Variants in CYYR1 observed in about 807,000 individuals in gnomAD.
The protein encoded by CYYR1 is cysteine and tyrosine-rich protein 1.
CYYR1 carries 14 observed loss-of-function variants against 15.2 expected under a neutral mutation model. The ratio of observed to expected loss-of-function variants is 0.92; its 90% CI spans 0.61 to 1.44. CYYR1 has a LOEUF of 1.44. CYYR1 is among the 40% of genes most tolerant of loss of function. CYYR1 has a pLI of 0.00. For synonymous variants in CYYR1, 80 were observed against 77.4 expected, an observed-to-expected ratio of 1.03 and a Z score of -0.18; for missense variants, 228 against 209.5, an observed-to-expected ratio of 1.09 and a Z score of -0.54.
At chr21:26,549,856 C>T (rs185914874) in intron 2 of CYYR1, among the ~76,000 whole-genome samples, 104 of 152,240 alleles carry the variant, frequency 6.8e-4, no homozygotes, top group African/African-American at 2.3e-3. Context: ...CAAATAACTT[C>T]ATTTTACCCT....
intron 3 of CYYR1, among the ~76,000 whole-genome samples, chr21:26,473,495 G>A (rs992643724): frequency 6.6e-6 from 1 of 152,238 alleles, no homozygotes; most frequent in East Asian, 1.9e-4. Flanking sequence ...AGAAAGACAG[G>A]TTTCCTTATT....
At chr21:26,477,035 C>T (rs2065114073) in intron 3 of CYYR1, among the ~76,000 whole-genome samples, 1 of 152,118 alleles carries the variant, frequency 6.6e-6, no homozygotes, top group Non-Finnish European at 1.5e-5. Context: ...TCAGGTATGA[C>T]AGCTGAATGA....
intron 1 of CYYR1, 97 bp from the exon 2 acceptor site, chr21:26,566,465 C>T: frequency 1.1e-6 from 1 of 877,354 alleles, no homozygotes; most frequent in Admixed American, 2.3e-5. Flanking sequence ...CAATGACCAC[C>T]CTTTAGTGGT....
chr21:26,478,596 T>TG (rs1224647156), intron 3 of CYYR1, among the ~76,000 whole-genome samples: 1 of 152,076 alleles, frequency 6.6e-6, no homozygotes, highest in Admixed American at 6.6e-5. Context: ...CTGCGGGAAA[T>TG]GGGGAACCGC....
chr21:26,512,864 T>C (rs1216916280), intron 2 of CYYR1, among the ~76,000 whole-genome samples: 1 of 152,090 alleles, frequency 6.6e-6, no homozygotes, highest in Non-Finnish European at 1.5e-5. Context: ...ACCCCTGGAG[T>C]TGGCTGTGCA....
intron 1 of CYYR1, among the ~76,000 whole-genome samples, chr21:26,569,484 G>C (rs557099734): frequency 3.9e-5 from 6 of 152,194 alleles, no homozygotes; most frequent in Non-Finnish European, 7.4e-5. Flanking sequence ...TAACTATTGG[G>C]TACTGTATTC....
chr21:26,555,648 G>A (rs1428669855), intron 2 of CYYR1, among the ~76,000 whole-genome samples: 1 of 151,788 alleles, frequency 6.6e-6, no homozygotes, highest in African/African-American at 2.4e-5. Flanking sequence ...AGTTACCATC[G>A]GCTAAATAGC....
intron 1 of CYYR1, among the ~76,000 whole-genome samples, chr21:26,567,132 A>G (rs749858435): frequency 1.8e-4 from 27 of 151,370 alleles, no homozygotes; most frequent in Non-Finnish European, 3.8e-4. Flanking sequence ...AATGATGTAT[A>G]TTTTTCCATG....
chr21:26,549,404 T>A (rs1979218640), intron 2 of CYYR1, among the ~76,000 whole-genome samples: 1 of 152,178 alleles, frequency 6.6e-6, no homozygotes, highest in Non-Finnish European at 1.5e-5. Flanking sequence ...ATTTTAATAT[T>A]GTACTCTTTT....
chr21:26,550,642 C>T (rs140879114), intron 2 of CYYR1: 4 of 152,290 alleles, frequency 2.6e-5, no homozygotes, highest in African/African-American at 7.2e-5. Context: ...TGCCCTTAAG[C>T]CAAAGCCTAA....
chr21:26,501,777 T>A (rs915848936), intron 2 of CYYR1, among the ~76,000 whole-genome samples: 3 of 152,206 alleles, frequency 2.0e-5, no homozygotes, highest in African/African-American at 7.2e-5. Context: ...TACCCACTTA[T>A]CTACCTCTCT....
At chr21:26,551,345 C>G (rs1484875034) in intron 2 of CYYR1, 1 of 152,660 alleles carries the variant, frequency 6.6e-6, no homozygotes, top group Non-Finnish European at 1.5e-5. Flanking sequence ...GTAATTTTGA[C>G]TTTCAAGTCT....
intron 2 of CYYR1, among the ~76,000 whole-genome samples, chr21:26,559,170 G>A (rs1387995170): frequency 1.3e-5 from 2 of 152,060 alleles, no homozygotes; most frequent in East Asian, 1.9e-4. Flanking sequence ...GGTATGAGAC[G>A]GTATTTCAAT....
intron 3 of CYYR1, among the ~76,000 whole-genome samples, chr21:26,480,049 A>G (rs754200623): frequency 8.5e-5 from 13 of 152,142 alleles, no homozygotes; most frequent in Non-Finnish European, 1.8e-4. Flanking sequence ...AGTCAATGAA[A>G]CAGACATTAA....
At chr21:26,547,085 T>C (rs1368459687) in intron 2 of CYYR1, among the ~76,000 whole-genome samples, 1 of 152,134 alleles carries the variant, frequency 6.6e-6, no homozygotes, top group African/African-American at 2.4e-5. Context: ...CTCATTTTTA[T>C]TTTTCTTAAA....
intron 2 of CYYR1, among the ~76,000 whole-genome samples, chr21:26,492,656 G>A (rs570100824): frequency 2.0e-5 from 3 of 152,072 alleles, no homozygotes; most frequent in South Asian, 2.1e-4. Context: ...CTTTGGGCAC[G>A]TTTGCAGGAG....
intron 2 of CYYR1, among the ~76,000 whole-genome samples, chr21:26,557,920 CT>C (rs1244195554): frequency 6.6e-6 from 1 of 152,176 alleles, no homozygotes; most frequent in African/African-American, 2.4e-5. Context: ...ACCATCCAGC[CT>C]CTTATCCAAA....
At chr21:26,477,986 A>G in intron 3 of CYYR1, 1 of 1,510,696 alleles carries the variant, frequency 6.6e-7, no homozygotes, top group Non-Finnish European at 8.9e-7. Flanking sequence ...TCCCTAGGGT[A>G]TTGATATATG....
At chr21:26,567,984 C>T (rs1231324014) in intron 1 of CYYR1, 6 of 152,114 alleles carry the variant, frequency 3.9e-5, no homozygotes, top group African/African-American at 1.4e-4. Flanking sequence ...TTGAGGCTTA[C>T]CTCTGGATTG....
Sources: allele counts gnomAD v4.1 joint callset (sites outside exome capture counted in the v4.1 genomes callset), GRCh38; gene constraint gnomAD v4.1.1; transcripts MANE v1.5; gene names NCBI Gene and HGNC (gene_info 2026-07-23, HGNC 2026-07-21).